PALM3: variants seen among roughly 807,000 people sequenced by gnomAD.
The protein encoded by PALM3 is paralemmin-3.
In PALM3, 20 loss-of-function variants were observed where a neutral mutation model predicts 27.9. That is an observed-to-expected ratio of 0.72 (90% CI 0.50 to 1.04). The LOEUF is 1.04. PALM3 is among the 50% of genes least tolerant of loss of function. The pLI, the probability that PALM3 is intolerant of heterozygous loss-of-function variation, is 0.00. For synonymous variants in PALM3, 328 were observed against 352.7 expected, an observed-to-expected ratio of 0.93 and a Z score of 0.79; for missense variants, 814 against 869.4, an observed-to-expected ratio of 0.94 and a Z score of 0.80.
At chr19:14,057,791 G>A (rs969953571) in intron 2 of PALM3, among the ~76,000 whole-genome samples, 1 of 152,050 alleles carries the variant, frequency 6.6e-6, no homozygotes, top group Non-Finnish European at 1.5e-5. Flanking sequence ...TCCGAGATAC[G>A]AGGTTAAGAG....
intron 5 of PALM3, 119 bp downstream of exon 5, chr19:14,056,310 C>T (rs1403760201): frequency 1.0e-6 from 1 of 999,086 alleles, no homozygotes; most frequent in African/African-American, 1.6e-5. Flanking sequence ...GGAAGCGGAT[C>T]TGAATGCAGA....
chr19:14,056,597 GC>G, intron 4 of PALM3, 64 bp downstream of exon 4: 6 of 1,551,312 alleles, frequency 3.9e-6, no homozygotes, highest in Non-Finnish European at 5.2e-6. Context: ...CTTGGAATGT[GC>G]CCAGGGTCTC....
At chr19:14,058,074 C>T (rs960719660) in intron 2 of PALM3, among the ~76,000 whole-genome samples, 23 of 152,240 alleles carry the variant, frequency 1.5e-4, no homozygotes, top group African/African-American at 5.1e-4. Flanking sequence ...CGCCACTGCA[C>T]TCCAGCCTGG....
At chr19:14,060,299 G>GAT (rs1221333138) in intron 1 of PALM3, among the ~76,000 whole-genome samples, 6 of 151,680 alleles carry the variant, frequency 4.0e-5, no homozygotes, top group Admixed American at 1.3e-4. Context: ...CTATATATAT[G>GAT]ATATATATAT....
chr19:14,056,623 G>A (rs1976309047), intron 4 of PALM3, 39 bp downstream of exon 4: 1 of 1,551,546 alleles, frequency 6.4e-7, no homozygotes, highest in Non-Finnish European at 8.7e-7. Flanking sequence ...TCACCCAGCT[G>A]GGGCAGGGTT....
Position 14,053,529 on chromosome 19 carries a change from C to T in PALM3, c.*76G>A. The T allele has an allele frequency of 7.0e-7, 1 of 1,419,050 alleles. No homozygotes were observed. The highest frequency in any genetic ancestry group is 9.2e-7 in the Non-Finnish European group (1 of 1,082,510). The allele number at this position is 1,419,050 out of a possible 1,614,324, so 87.9% of individuals were successfully genotyped here. ...CCAGTCCTGTGGTCCCTGTCTGTGC[C>T]TGGGACCCTCTTCTGGGTGCCAAGA... On this transcript the variant is annotated 3_prime_UTR_variant, in exon 7 of 7. Coordinates refer to ENST00000669674, the MANE Select transcript of PALM3 (RefSeq NM_001145028.2).
At chr19:14,055,450 C>G in intron 5 of PALM3, 25 bp from the exon 6 acceptor site, 1 of 1,550,596 alleles carries the variant, frequency 6.4e-7, no homozygotes. Context: ...GAGACAAGGT[C>G]AGGCTGGCCC....
At chr19:14,058,991 T>G in intron 2 of PALM3, 124 bp downstream of exon 2, 1 of 810,860 alleles carries the variant, frequency 1.2e-6, no homozygotes, top group African/African-American at 1.9e-5. Flanking sequence ...GCTGGAGAAT[T>G]GGTGTGGGGA....
At position 14,054,988 on chromosome 19, in the gene PALM3, T is replaced by C; in HGVS notation, c.684A>G (p.Lys228=). 6.5e-7 allele frequency: 1 copy of C among 1,548,820 alleles called. No individual in the cohort carries two copies. The highest frequency in any genetic ancestry group is 1.2e-5 in the South Asian group (1 of 83,704). Residue 228 remains lysine, a synonymous_variant, in exon 7 of 7, where the codon AAA becomes AAG. Coordinates refer to ENST00000669674, the MANE Select transcript of PALM3 (RefSeq NM_001145028.2). ...ACACCACACTCACCACGCCCCCTCC[T>C]TTGGCCTCACCCACCCGCCCTTCGG... ...VPSEGRVGEA[K]GGGVVSVVWE...
intron 1 of PALM3, among the ~76,000 whole-genome samples, chr19:14,060,314 T>C (rs1165886480): frequency 6.6e-6 from 1 of 151,956 alleles, no homozygotes; most frequent in Non-Finnish European, 1.5e-5. Context: ...ATATATACTA[T>C]ATATAGCATA....
chr19:14,059,177 G>T lies in PALM3; in HGVS notation c.42-14C>A. ...TCCGCCATGGGCCTGTTGGGAGAGG[G>T]CAGGGGCTTCGAGGGGCTCCCATCT... On this transcript the variant is annotated splice_polypyrimidine_tract_variant and intron_variant, in intron 1 of 6. Coordinates refer to ENST00000669674, the MANE Select transcript of PALM3 (RefSeq NM_001145028.2). 2.8e-6 allele frequency: 4 copies of T among 1,443,526 alleles called. No homozygotes were observed. Among genetic ancestry groups the T allele is most frequent in the Non-Finnish European group, 3.6e-6 (4 of 1,101,260 alleles). 89.4% of individuals were successfully genotyped at this position (1,443,526 alleles called of 1,614,324 possible).
chr19:14,056,594 T>C, intron 4 of PALM3, 68 bp downstream of exon 4: 1 of 1,551,144 alleles, frequency 6.4e-7, no homozygotes. Context: ...CTCCTTGGAA[T>C]GTGCCCAGGG....
chr19:14,057,622 T>G, intron 2 of PALM3, 191 bp from the exon 3 acceptor site: 2 of 135,044 alleles, frequency 1.5e-5, no homozygotes, highest in Non-Finnish European at 3.1e-5. Flanking sequence ...AGGCGCTGAC[T>G]CAGCGGCGGG....
At chr19:14,058,723 G>A (rs1976363171) in intron 2 of PALM3, among the ~76,000 whole-genome samples, 1 of 151,984 alleles carries the variant, frequency 6.6e-6, no homozygotes, top group Non-Finnish European at 1.5e-5. Flanking sequence ...CCAGAGATGG[G>A]GGAGTCCAGA....
chr19:14,059,286 A>G (rs1189313964), intron 1 of PALM3, 123 bp from the exon 2 acceptor site: 13 of 935,768 alleles, frequency 1.4e-5, no homozygotes, highest in Non-Finnish European at 1.9e-5. Context: ...TCCCCTTTGC[A>G]CCTGGGAAGA....
Position 14,054,167 on chromosome 19 carries a change from C to G in PALM3, c.1505G>C (p.Gly502Ala), listed in dbSNP as rs1209551186. 2.6e-6 allele frequency: 4 copies of G among 1,551,904 alleles called. No individual in the cohort carries two copies. The highest frequency in any genetic ancestry group is 1.2e-5 in the South Asian group (1 of 84,042). ...TTCCTCACCTCCTTTCTTCTCTACTCCCAATGGTTCTTCTACCTCCTCCTC... is the reference window on the plus strand; with the variant it reads ...TTCCTCACCTCCTTTCTTCTCTACTGCCAATGGTTCTTCTACCTCCTCCTC... Reference protein sequence around the residue: ...AEEEEVEEPLGVEKKGGEEEP... With the variant: ...AEEEEVEEPLAVEKKGGEEEP... The change falls in exon 7 of 7, where the codon GGA (glycine) becomes GCA (alanine). Residue 502 changes from glycine (G) to alanine (A), a missense_variant. Transcript: ENST00000669674.
chr19:14,056,754 T>C lies in PALM3; in HGVS notation c.222A>G (p.Pro74=), dbSNP rs1319628738. Reference sequence around the variant, plus strand: ...TCGAGGTGGGGTCTTCGGATGGCTCTGGCACTGCAGCTGCCCCATCCATTA... The same window carrying C: ...TCGAGGTGGGGTCTTCGGATGGCTCCGGCACTGCAGCTGCCCCATCCATTA... ...RWLMDGAAAV[P]EPSEDPTSKD... Residue 74 remains proline, a synonymous_variant, in exon 4 of 7, where the codon CCA becomes CCG. Coordinates refer to ENST00000669674, the MANE Select transcript of PALM3 (RefSeq NM_001145028.2). 3.2e-6 allele frequency: 5 copies of C among 1,551,498 alleles called. No homozygotes were observed. The highest frequency in any genetic ancestry group is 4.4e-6 in the Non-Finnish European group (5 of 1,146,936).
At chr19:14,057,530 AGCTCCCGGG>A (rs1568508648) in intron 2 of PALM3, 99 bp from the exon 3 acceptor site, 1 of 1,035,248 alleles carries the variant, frequency 9.7e-7, no homozygotes, top group African/African-American at 1.7e-5. Flanking sequence ...GGCTCACCGG[AGCTCCCGGG>A]GCTCCCGAGG....
At chr19:14,057,551 A>G in intron 2 of PALM3, 120 bp from the exon 3 acceptor site, 1 of 786,072 alleles carries the variant, frequency 1.3e-6, no homozygotes, top group Non-Finnish European at 1.8e-6. Flanking sequence ...CTCCCGAGGC[A>G]GCGAGCCCGG....
Sources: allele counts gnomAD v4.1 joint callset (sites outside exome capture counted in the v4.1 genomes callset), GRCh38; gene constraint gnomAD v4.1.1; transcripts MANE v1.5; gene names NCBI Gene and HGNC (gene_info 2026-07-23, HGNC 2026-07-21).